CFAP95: variants seen among roughly 807,000 people sequenced by gnomAD.
CFAP95 encodes cilia and flagella associated protein 95.
the CFAP95 span, among the ~76,000 whole-genome samples, chr9:69,898,756 G>A: frequency 6.6e-6 from 1 of 152,004 alleles, no homozygotes; most frequent in East Asian, 1.9e-4. Context: ...CTGTGCATAG[G>A]GCACTGACTT....
chr9:69,851,964 G>T, the CFAP95 span, among the ~76,000 whole-genome samples: 1 of 151,834 alleles, frequency 6.6e-6, no homozygotes, highest in Non-Finnish European at 1.5e-5. Context: ...TTATTTTTCT[G>T]ATTGCACCCT....
At chr9:69,821,129 C>G in the CFAP95 span, 19 of 1,401,926 alleles carry the variant, frequency 1.4e-5, no homozygotes, top group Admixed American at 2.1e-5. Flanking sequence ...AGAGAGGGGA[C>G]AGGAGTGGAG....
chr9:69,892,283 A>C, the CFAP95 span, among the ~76,000 whole-genome samples: 21 of 152,184 alleles, frequency 1.4e-4, no homozygotes, highest in African/African-American at 3.9e-4. Flanking sequence ...CTGATGGCTA[A>C]GTTGTTTCAG....
chr9:69,845,895 C>T, the CFAP95 span, among the ~76,000 whole-genome samples: 1 of 152,296 alleles, frequency 6.6e-6, no homozygotes, highest in South Asian at 2.1e-4. Flanking sequence ...CTTCCCTTTG[C>T]ACCAGGCTGC....
chr9:69,871,845 A>G, the CFAP95 span, among the ~76,000 whole-genome samples: 1 of 152,302 alleles, frequency 6.6e-6, no homozygotes, highest in African/African-American at 2.4e-5. Context: ...CTTTCACTCC[A>G]TTCTCCAACC....
At chr9:69,884,261 T>C in the CFAP95 span, 1 of 152,192 alleles carries the variant, frequency 6.6e-6, no homozygotes, top group African/African-American at 2.4e-5. Flanking sequence ...TAAAAGCAGG[T>C]AGCTGATCAT....
chr9:69,838,643 G>A, the CFAP95 span, among the ~76,000 whole-genome samples: 1 of 151,940 alleles, frequency 6.6e-6, no homozygotes, highest in Admixed American at 6.6e-5. Context: ...CTGAGACAAT[G>A]GGGTTTTCTA....
At chr9:69,875,163 A>G in the CFAP95 span, among the ~76,000 whole-genome samples, 3 of 152,178 alleles carry the variant, frequency 2.0e-5, no homozygotes, top group Non-Finnish European at 4.4e-5. Flanking sequence ...TGGGGAGCAC[A>G]TAATGTACTC....
At chr9:69,867,114 T>C in the CFAP95 span, among the ~76,000 whole-genome samples, 1 of 152,206 alleles carries the variant, frequency 6.6e-6, no homozygotes, top group Non-Finnish European at 1.5e-5. Flanking sequence ...GTGTTAGTAT[T>C]TGGGGTTGTG....
chr9:69,839,503 T>G, the CFAP95 span, among the ~76,000 whole-genome samples: 1 of 152,130 alleles, frequency 6.6e-6, no homozygotes, highest in Admixed American at 6.5e-5. Flanking sequence ...CTCAGCTAAC[T>G]GCAACCTCTG....
chr9:69,825,668 TTC>T, the CFAP95 span, among the ~76,000 whole-genome samples: 7 of 152,146 alleles, frequency 4.6e-5, no homozygotes, highest in Non-Finnish European at 1.0e-4. Flanking sequence ...GGGAAATATT[TTC>T]TGTTAGGATA....
chr9:69,825,743 A>G, the CFAP95 span, among the ~76,000 whole-genome samples: 71 of 152,308 alleles, frequency 4.7e-4, 1 homozygote, highest in East Asian at 8.1e-3. Context: ...TACCCTTAAC[A>G]AATTCTCTCA....
At chr9:69,892,108 G>T in the CFAP95 span, among the ~76,000 whole-genome samples, 1 of 152,188 alleles carries the variant, frequency 6.6e-6, no homozygotes, top group Admixed American at 6.5e-5. Context: ...AAATATACAT[G>T]ATATAAAATT....
At chr9:69,874,709 G>C in the CFAP95 span, among the ~76,000 whole-genome samples, 1 of 152,156 alleles carries the variant, frequency 6.6e-6, no homozygotes, top group African/African-American at 2.4e-5. Context: ...GGGAGAGTGA[G>C]TGCCCCTTTT....
the CFAP95 span, chr9:69,902,166 C>G: frequency 2.9e-6 from 1 of 349,396 alleles, no homozygotes; most frequent in Non-Finnish European, 5.6e-6. Flanking sequence ...CTGATTAAAG[C>G]CCAGGGATGG....
chr9:69,831,096 C>G, the CFAP95 span, among the ~76,000 whole-genome samples: 1 of 151,990 alleles, frequency 6.6e-6, no homozygotes, highest in Non-Finnish European at 1.5e-5. Context: ...GATGCATTAA[C>G]AAAGAGAATT....
chr9:69,836,943 A>G, the CFAP95 span, among the ~76,000 whole-genome samples: 1 of 136,602 alleles, frequency 7.3e-6, no homozygotes, highest in Non-Finnish European at 1.5e-5. Context: ...ATGTGTTCTC[A>G]TTGTTCAATT....
At chr9:69,886,830 C>A in the CFAP95 span, 4 of 1,608,954 alleles carry the variant, frequency 2.5e-6, no homozygotes, top group Middle Eastern at 1.7e-4. Flanking sequence ...TTGACTTATC[C>A]CTCTTAGGTG....
the CFAP95 span, among the ~76,000 whole-genome samples, chr9:69,882,034 A>C: frequency 6.6e-6 from 1 of 151,664 alleles, no homozygotes; most frequent in African/African-American, 2.4e-5. Context: ...CCAGGGTGGA[A>C]TGCAGTAGTG....
Sources: gnomAD v4.1 joint callset for allele counts (sites outside exome capture counted in the v4.1 genomes callset) on GRCh38, gnomAD v4.1.1 for gene constraint, MANE v1.5 for transcripts, NCBI Gene and HGNC (gene_info 2026-07-23, HGNC 2026-07-21) for gene names.